The following YTHDF2 variants were observed in gnomAD, a reference collection of about 807,000 sequenced individuals.
YTHDF2 encodes the protein YTH domain-containing family protein 2.
A neutral mutation model predicts 50.4 loss-of-function variants in YTHDF2; 2 were observed. The ratio of observed to expected loss-of-function variants is 0.04; its 90% CI spans 0.02 to 0.12. YTHDF2 has a LOEUF of 0.12. Among genes scored for constraint, YTHDF2 ranks in the 10% least tolerant of loss-of-function variants. The pLI is 1.00. For synonymous variants in YTHDF2, 217 were observed against 255.6 expected, an observed-to-expected ratio of 0.85 and a Z score of 1.44; for missense variants, 483 against 722.6, an observed-to-expected ratio of 0.67 and a Z score of 3.80.
At chr1:28,757,727 G>A (rs746920290) in intron 4 of YTHDF2, among the ~76,000 whole-genome samples, 4 of 149,654 alleles carry the variant, frequency 2.7e-5, no homozygotes, top group East Asian at 1.9e-4. Context: ...TATAAAAAGC[G>A]TAGAAAACAA....
chr1:28,746,382 T>C (rs1421245331), intron 4 of YTHDF2, among the ~76,000 whole-genome samples: 1 of 152,096 alleles, frequency 6.6e-6, no homozygotes, highest in Non-Finnish European at 1.5e-5. Context: ...AGTGGGGAAA[T>C]ACAGGGTGAT....
rs1384213748 is a variant in YTHDF2 at position 28,764,011 on chromosome 1, G to A, written c.1717-4918G>A. 2.7e-5 allele frequency among the ~76,000 whole-genome samples: 4 copies of A among 150,112 alleles called. No homozygotes were observed. The East Asian group carries it at 7.8e-4, about 29-fold the overall frequency. On this transcript the variant is annotated intron_variant, in intron 4 of 4. Transcript: ENST00000373812. ...GTTGCCAAGGCTGGAGTGCAGTGGT[G>A]TGATCTCGGCTCACTGCAACCTCCA...
At chr1:28,764,462 T>TG (rs1022506235) in intron 4 of YTHDF2, among the ~76,000 whole-genome samples, 1 of 149,702 alleles carries the variant, frequency 6.7e-6, no homozygotes, top group Non-Finnish European at 1.5e-5. Context: ...TTTTTAGTAG[T>TG]GGGGGTTTCA....
chr1:28,762,930 G>C (rs559067749), intron 4 of YTHDF2, among the ~76,000 whole-genome samples: 1 of 151,990 alleles, frequency 6.6e-6, no homozygotes, highest in South Asian at 2.1e-4. Flanking sequence ...TCAAGTGATT[G>C]ATTCTCCTGC....
chr1:28,751,089 T>TGAAAAAAAAAAA (rs1557545318), intron 4 of YTHDF2, among the ~76,000 whole-genome samples: 1 of 19,058 alleles, frequency 5.2e-5, no homozygotes, highest in Non-Finnish European at 1.0e-4. Context: ...CGAGACTGTC[T>TGAAAAAAAAAAA]CAAAAAAAAA....
At chr1:28,739,593 G>T (rs961838491) in intron 3 of YTHDF2, among the ~76,000 whole-genome samples, 1 of 152,108 alleles carries the variant, frequency 6.6e-6, no homozygotes, top group African/African-American at 2.4e-5. Flanking sequence ...GAGCCACCAT[G>T]CCCGGCTGAG....
intron 4 of YTHDF2, among the ~76,000 whole-genome samples, chr1:28,748,140 C>A (rs572901973): frequency 2.7e-5 from 4 of 149,010 alleles, no homozygotes; most frequent in East Asian, 3.9e-4. Flanking sequence ...AAAAAAAAAA[C>A]CAAAAAAAAG....
chr1:28,746,107 G>C (rs1244002238), intron 4 of YTHDF2, among the ~76,000 whole-genome samples: 3 of 152,126 alleles, frequency 2.0e-5, no homozygotes, highest in African/African-American at 7.2e-5. Context: ...CTAGACATCT[G>C]AAGGGCTCTA....
chr1:28,757,569 T>C (rs111572865), intron 4 of YTHDF2, among the ~76,000 whole-genome samples: 2,076 of 142,080 alleles, frequency 0.015, 43 homozygotes, highest in African/African-American at 0.054. Context: ...TTTAAGAAGA[T>C]AGACTTAAAA....
Position 28,762,976 on chromosome 1 carries a change from G to GC in YTHDF2, c.1717-5951dup, listed in dbSNP as rs542451767. On this transcript the variant is annotated intron_variant, in intron 4 of 4. Coordinates refer to ENST00000373812, the MANE Select transcript of YTHDF2 (RefSeq NM_016258.3). The stretch of plus-strand genomic sequence containing the variant: ...TGAATAGCTGGGACTACAGGCATGT[G>GC]CCACCACGCTTGGCTAATTTTTGTA... Among the ~76,000 whole-genome samples the GC allele has an allele frequency of 1.1e-4, 17 of 152,146 alleles. No individual in the cohort carries two copies. The South Asian group carries it at 3.5e-3, about 32-fold the overall frequency.
chr1:28,760,136 C>G (rs2088096604), intron 4 of YTHDF2, among the ~76,000 whole-genome samples: 1 of 152,108 alleles, frequency 6.6e-6, no homozygotes. Context: ...TAAAATAGTA[C>G]CTTCTTCTGG....
Position 28,743,489 on chromosome 1 carries a change from C to A in YTHDF2, c.1219C>A (p.Leu407Met), listed in dbSNP as rs1195030320. The A allele has an allele frequency of 6.2e-7, 1 of 1,614,166 alleles. No homozygotes were observed. Among genetic ancestry groups the A allele is most frequent in the Non-Finnish European group, 8.5e-7 (1 of 1,180,038 alleles). The stretch of plus-strand genomic sequence containing the variant: ...TAACCCCAAAGATTTTGACTGGAAT[C>A]TGAAACATGGCCGGGTTTTCATCAT... Reference protein sequence around the residue: ...NYNPKDFDWNLKHGRVFIIKS... With the variant: ...NYNPKDFDWNMKHGRVFIIKS... Residue 407 changes from leucine to methionine, a missense_variant, in exon 4 of 5, where the codon CTG becomes ATG. Around this residue, in one of 4 missense-constraint regions of YTHDF2, gnomAD observed 59 missense variants for 168.9 expected, o/e 0.35. Transcript: ENST00000373812. This position sits in a 1 kb window ranked among gnomAD's most constrained non-coding sequence, Gnocchi z 6.9.
intron 4 of YTHDF2, among the ~76,000 whole-genome samples, chr1:28,760,082 G>A (rs1004679453): frequency 1.3e-5 from 2 of 152,156 alleles, no homozygotes; most frequent in Admixed American, 1.3e-4. Flanking sequence ...CATCTTGTTC[G>A]ATTGGAAAGT....
intron 4 of YTHDF2, among the ~76,000 whole-genome samples, chr1:28,745,542 A>G (rs2087844480): frequency 6.6e-6 from 1 of 151,968 alleles, no homozygotes; most frequent in Non-Finnish European, 1.5e-5. Flanking sequence ...CTTGACCAAC[A>G]TGGAGAAACC....
At chr1:28,764,485 G>A (rs564209667) in intron 4 of YTHDF2, among the ~76,000 whole-genome samples, 175 of 149,806 alleles carry the variant, frequency 1.2e-3, no homozygotes, top group African/African-American at 4.2e-3. Flanking sequence ...ATCTTGCCCA[G>A]GCTGATCTTG....
chr1:28,768,948 A>T lies in YTHDF2; in HGVS notation c.1736A>T (p.Lys579Ile). The change falls in exon 5 of 5, where the codon AAA (lysine) becomes ATA (isoleucine). Residue 579 changes from lysine (K) to isoleucine (I), a missense_variant. By Grantham distance (102) the Lys-to-Ile change is moderately radical (BLOSUM62 -3). Coordinates refer to ENST00000373812, the MANE Select transcript of YTHDF2 (RefSeq NM_016258.3). ...SVKKERQGRG[K>I] ...CTGTAGGAACGTCAAGGTCGTGGGA[A>T]ATAAAAGGCAGTTCTACACAGACTG... 1 of 1,593,290 alleles carries T rather than the reference A, an allele frequency of 6.3e-7. No homozygotes were observed. Among genetic ancestry groups the T allele is most frequent in the Non-Finnish European group, 8.6e-7 (1 of 1,169,014 alleles).
At chr1:28,750,948 C>T (rs543318938) in intron 4 of YTHDF2, among the ~76,000 whole-genome samples, 2 of 151,836 alleles carry the variant, frequency 1.3e-5, no homozygotes, top group East Asian at 3.9e-4. Flanking sequence ...AAAAAATTAG[C>T]CAGGCGTGGT....
At chr1:28,757,092 C>T (rs1294751965) in intron 4 of YTHDF2, among the ~76,000 whole-genome samples, 1 of 152,174 alleles carries the variant, frequency 6.6e-6, no homozygotes, top group Non-Finnish European at 1.5e-5. Flanking sequence ...TAGTAGTACC[C>T]TAATGCTTTT....
At chr1:28,765,060 C>T (rs1570482281) in intron 4 of YTHDF2, among the ~76,000 whole-genome samples, 1 of 151,998 alleles carries the variant, frequency 6.6e-6, no homozygotes, top group African/African-American at 2.4e-5. Flanking sequence ...TTATCTTCAC[C>T]TGTTACCCAG....
Sources: gnomAD v4.1 joint callset for allele counts (sites outside exome capture counted in the v4.1 genomes callset) on GRCh38, gnomAD v4.1.1 for gene constraint, gnomAD v4.1.1 regional missense constraint, Gnocchi (gnomAD v3.1) non-coding constraint, MANE v1.5 for transcripts, NCBI Gene and HGNC (gene_info 2026-07-23, HGNC 2026-07-21) for gene names.